Variants in COL15A1 observed in about 807,000 individuals in gnomAD.
The protein encoded by COL15A1 is collagen alpha-1(XV) chain.
A neutral mutation model predicts 165.9 loss-of-function variants in COL15A1; 111 were observed. That is an observed-to-expected ratio of 0.67 (90% CI 0.57 to 0.78). The LOEUF is 0.78. Ranked by LOEUF, COL15A1 falls within the 30% of genes least tolerant of loss-of-function variation. The pLI, the probability that COL15A1 is intolerant of heterozygous loss-of-function variation, is 0.00. For synonymous variants in COL15A1, 659 were observed against 674.8 expected, an observed-to-expected ratio of 0.98 and a Z score of 0.36; for missense variants, 1,745 against 1,789.7, an observed-to-expected ratio of 0.98 and a Z score of 0.45.
At chr9:99,013,205 G>A (rs1838874371) in intron 9 of COL15A1, among the ~76,000 whole-genome samples, 1 of 152,040 alleles carries the variant, frequency 6.6e-6, no homozygotes, top group African/African-American at 2.4e-5. Context: ...AGGGTGACCA[G>A]CTCCTATATG....
intron 16 of COL15A1, among the ~76,000 whole-genome samples, chr9:99,032,293 G>C (rs943632890): frequency 2.6e-5 from 4 of 151,968 alleles, no homozygotes; most frequent in Admixed American, 1.3e-4. Flanking sequence ...GGGTTCAAAC[G>C]ATTCTCCTGC....
intron 2 of COL15A1, among the ~76,000 whole-genome samples, chr9:98,978,142 G>C (rs1391684221): frequency 6.6e-6 from 1 of 152,140 alleles, no homozygotes; most frequent in Non-Finnish European, 1.5e-5. Flanking sequence ...CAATTTCCCT[G>C]TCTAGAAAAC....
intron 5 of COL15A1, among the ~76,000 whole-genome samples, chr9:98,996,266 G>A (rs529387344): frequency 6.6e-6 from 1 of 152,278 alleles, no homozygotes; most frequent in East Asian, 1.9e-4. Flanking sequence ...AAGTGATGAG[G>A]CTATCTGAAT....
chr9:99,049,989 C>G, intron 30 of COL15A1, 94 bp downstream of exon 30: 1 of 1,534,758 alleles, frequency 6.5e-7, no homozygotes, highest in Non-Finnish European at 9.0e-7. Context: ...TTTCTATCCT[C>G]AAATGTCCTC....
chr9:99,015,271 G>A (rs934151041), intron 9 of COL15A1, 146 bp from the exon 10 acceptor site: 17 of 644,894 alleles, frequency 2.6e-5, no homozygotes, highest in Non-Finnish European at 4.2e-5. Context: ...TCCAGGCGAA[G>A]GTGTGGTCCT....
chr9:99,044,483 G>T, intron 24 of COL15A1, 85 bp from the exon 25 acceptor site: 3 of 1,215,480 alleles, frequency 2.5e-6, no homozygotes, highest in South Asian at 2.4e-5. Context: ...GTACAAGGTG[G>T]CAAGGAGGAG....
At chr9:98,954,114 A>G (rs980252838) in intron 2 of COL15A1, among the ~76,000 whole-genome samples, 9 of 152,226 alleles carry the variant, frequency 5.9e-5, no homozygotes, top group Admixed American at 2.6e-4. Flanking sequence ...GTTTCCTAAC[A>G]CAGTGTAAGC....
intron 9 of COL15A1, among the ~76,000 whole-genome samples, chr9:99,007,016 GGA>G (rs1321760053): frequency 6.6e-6 from 1 of 152,190 alleles, no homozygotes; most frequent in Middle Eastern, 3.2e-3. Flanking sequence ...TGCATTTTAG[GGA>G]GACATGAGAC....
At chr9:99,021,956 G>C in intron 12 of COL15A1, 135 bp from the exon 13 acceptor site, 3 of 1,211,778 alleles carry the variant, frequency 2.5e-6, no homozygotes, top group Non-Finnish European at 3.6e-6. Flanking sequence ...CCCTTAAGCT[G>C]TCTCTGCAAA....
Position 99,063,036 on chromosome 9 carries a change from C to T in COL15A1, c.3592-14C>T, listed in dbSNP as rs758093623. 1.9e-6 allele frequency: 3 copies of T among 1,594,720 alleles called. No individual in the cohort carries two copies. In the South Asian group the frequency reaches 3.5e-5, roughly 18 times the overall value. ...CATATTCAGAACTGTTTCTTTTCCTCCTTTTCATAACAGCCACATCAGCTT... is the reference window on the plus strand; with the variant it reads ...CATATTCAGAACTGTTTCTTTTCCTTCTTTTCATAACAGCCACATCAGCTT... On this transcript the variant is annotated splice_polypyrimidine_tract_variant and intron_variant, in intron 38 of 41. Transcript: ENST00000375001.
At chr9:99,067,118 G>C (rs767139677) in intron 40 of COL15A1, 51 bp downstream of exon 40, 14 of 1,483,048 alleles carry the variant, frequency 9.4e-6, no homozygotes, top group South Asian at 1.2e-5. Context: ...GGTCGCTACA[G>C]GGCCTGGAGG....
chr9:99,064,866 A>G (rs1463178774), intron 39 of COL15A1, among the ~76,000 whole-genome samples: 1 of 152,214 alleles, frequency 6.6e-6, no homozygotes, highest in Admixed American at 6.5e-5. Flanking sequence ...TTAGGGCAGT[A>G]GCTAAAGGAT....
chr9:98,972,816 G>C (rs1355491181), intron 2 of COL15A1, among the ~76,000 whole-genome samples: 1 of 152,212 alleles, frequency 6.6e-6, no homozygotes, highest in Non-Finnish European at 1.5e-5. Context: ...AGGAAGGATG[G>C]AGGGGGACTG....
At position 99,070,710 on chromosome 9, in the gene COL15A1, T is replaced by C; in HGVS notation, c.*824T>C. 2.3e-6 allele frequency: 1 copy of C among 427,120 alleles called. No homozygotes were observed. 26.5% of individuals were successfully genotyped at this position (427,120 alleles called of 1,614,324 possible). A position where few individuals can be genotyped will look rare whatever the true frequency, so the allele number is the denominator to read the frequency against. On this transcript the variant is annotated 3_prime_UTR_variant, in exon 42 of 42. Transcript: ENST00000375001. ...ATAGAGATGAATTTTCTGAGAAACA[T>C]ATATCTACATGTTGTATAATTGGAT...
chr9:99,062,182 C>G, intron 37 of COL15A1, 63 bp from the exon 38 acceptor site: 1 of 1,598,326 alleles, frequency 6.3e-7, no homozygotes, highest in Non-Finnish European at 8.6e-7. Flanking sequence ...CCATTTTTTT[C>G]TGTTTTGAAA....
At chr9:98,951,366 A>C (rs961413801) in intron 2 of COL15A1, among the ~76,000 whole-genome samples, 2 of 152,112 alleles carry the variant, frequency 1.3e-5, no homozygotes, top group African/African-American at 4.8e-5. Flanking sequence ...TTTAATCATG[A>C]TGCTTCCTAG....
intron 2 of COL15A1, among the ~76,000 whole-genome samples, chr9:98,950,499 CCCTT>C (rs1342944727): frequency 1.5e-3 from 184 of 120,216 alleles, no homozygotes; most frequent in African/African-American, 4.5e-3. Context: ...TTCCCTCCCT[CCCTT>C]CCTTCCTTCC....
At chr9:99,049,975 GC>G in intron 30 of COL15A1, 80 bp downstream of exon 30, 1 of 1,587,890 alleles carries the variant, frequency 6.3e-7, no homozygotes, top group Non-Finnish European at 8.6e-7. Context: ...TTTGTCTTGG[GC>G]CCTTTCTATC....
intron 2 of COL15A1, among the ~76,000 whole-genome samples, chr9:98,956,481 G>A (rs1307618383): frequency 2.6e-5 from 4 of 152,064 alleles, no homozygotes. Flanking sequence ...ACATCTGTGT[G>A]TGTATGTATA....
Sources: allele counts gnomAD v4.1 joint callset (sites outside exome capture counted in the v4.1 genomes callset), GRCh38; gene constraint gnomAD v4.1.1; transcripts MANE v1.5; gene names NCBI Gene and HGNC (gene_info 2026-07-23, HGNC 2026-07-21).